ADGRA1: variants seen among roughly 807,000 people sequenced by gnomAD.
The protein encoded by ADGRA1 is adhesion G protein-coupled receptor A1.
A neutral mutation model predicts 21.3 loss-of-function variants in ADGRA1; 12 were observed. The observed-to-expected ratio is 0.56, with a 90% CI of 0.36 to 0.91. ADGRA1 has a LOEUF of 0.91. ADGRA1 is among the 40% of genes least tolerant of loss of function. ADGRA1 has a pLI of 0.01. For synonymous variants in ADGRA1, 385 were observed against 368.8 expected (o/e 1.04, Z -0.50); for missense variants, 790 against 805.6 (o/e 0.98, Z 0.23).
rs34834085 is a variant in ADGRA1 at position 133,096,781 on chromosome 10, C to A, written c.4-193C>A. Among the ~76,000 whole-genome samples the A allele has an allele frequency of 9.2e-5, 14 of 152,060 alleles. 1 individual carries two copies. The highest frequency in any genetic ancestry group is 1.3e-4 in the Non-Finnish European group (9 of 67,998). On this transcript the variant is annotated intron_variant, in intron 2 of 6. Coordinates refer to ENST00000392607, the MANE Select transcript of ADGRA1 (RefSeq NM_001083909.3). ...CTCCGTGGCCACGTGGGGCCCCTCC[C>A]GTGCACTCCCTGAGCATCCACAGAC...
intron 5 of ADGRA1, among the ~76,000 whole-genome samples, chr10:133,115,515 G>A (rs1852140717): frequency 6.6e-6 from 1 of 152,182 alleles, no homozygotes; most frequent in African/African-American, 2.4e-5. Flanking sequence ...GGTACCCCGA[G>A]AAGGGCAGCC....
intron 5 of ADGRA1, among the ~76,000 whole-genome samples, chr10:133,112,751 C>CGTCGGTTATGTGGGGTCTGTAAGCTAT (rs1852076564): frequency 1.6e-5 from 1 of 61,422 alleles, no homozygotes; most frequent in Non-Finnish European, 3.0e-5. Context: ...CTGCGGGCCG[C>CGTCGGTTATGTGGGGTCTGTAAGCTAT]GTCGGTTATT....
intron 5 of ADGRA1, among the ~76,000 whole-genome samples, chr10:133,114,189 G>A (rs1852113638): frequency 6.6e-6 from 1 of 152,234 alleles, no homozygotes; most frequent in South Asian, 2.1e-4. Flanking sequence ...AGCAGGAGCA[G>A]AGGGCACTGG....
intron 4 of ADGRA1, among the ~76,000 whole-genome samples, chr10:133,101,775 G>A (rs957867648): frequency 3.3e-5 from 5 of 152,306 alleles, no homozygotes; most frequent in Middle Eastern, 3.4e-3. Context: ...GGCCAGGCCG[G>A]GGGAAAGGGT....
intron 4 of ADGRA1, among the ~76,000 whole-genome samples, chr10:133,099,637 T>C (rs930599151): frequency 6.6e-5 from 10 of 152,136 alleles, no homozygotes; most frequent in African/African-American, 2.4e-4. Context: ...AGCCCTGTCC[T>C]CCTCCACTTT....
chr10:133,094,685 C>T (rs1851658514), intron 2 of ADGRA1, among the ~76,000 whole-genome samples: 1 of 152,176 alleles, frequency 6.6e-6, no homozygotes, highest in South Asian at 2.1e-4. Flanking sequence ...GCTTCTCTCG[C>T]GGATCTGGGT....
chr10:133,100,200 C>A (rs1851765977), intron 4 of ADGRA1, among the ~76,000 whole-genome samples: 1 of 152,222 alleles, frequency 6.6e-6, no homozygotes, highest in South Asian at 2.1e-4. Flanking sequence ...CCAGCATGGC[C>A]CCGGCGGAGG....
rs1852514345 is a variant in ADGRA1 at position 133,130,976 on chromosome 10, G to T, written c.*1465G>T. ...GTGTTTTCCAGCCACCCACACACTG[G>T]GTTTGCATTGGAGATTGTTTCACCC... On this transcript the variant is annotated 3_prime_UTR_variant, in exon 7 of 7. Transcript: ENST00000392607. 6.6e-6 allele frequency: 1 copy of T among 152,230 alleles called. No individual in the cohort carries two copies. The highest frequency in any genetic ancestry group is 2.1e-4 in the South Asian group (1 of 4,830). The allele number at this position is 152,230 out of a possible 1,614,324, so 9.4% of individuals were successfully genotyped here.
At position 133,092,747 on chromosome 10, in the gene ADGRA1, GAGGGAGGAAGGAAGGAAGGA is replaced by G. The variant is rs1488786168; in HGVS notation, c.3+3839_3+3858del. Among the ~76,000 whole-genome samples the G allele has an allele frequency of 6.7e-4, 55 of 81,564 alleles. 1 individual carries two copies. The highest frequency in any genetic ancestry group is 2.2e-3 in the African/African-American group (44 of 20,322). The allele number at this position is 81,564 out of a possible 152,430, so 53.5% of individuals were successfully genotyped here. On this transcript the variant is annotated intron_variant, in intron 2 of 6. Coordinates refer to ENST00000392607, the MANE Select transcript of ADGRA1 (RefSeq NM_001083909.3). ...ACCTGAATGAAGAAGGAGAAATAGG[GAGGGAGGAAGGAAGGAAGGA>G]AGGAAGGAAGGAAGGAAGGAAGGAA...
intron 5 of ADGRA1, among the ~76,000 whole-genome samples, chr10:133,112,019 A>ACCACCTGCCCGCCGTGAG (rs1564849822): frequency 1.1e-4 from 3 of 27,968 alleles, no homozygotes; most frequent in African/African-American, 5.5e-4. Flanking sequence ...CCCACCACAG[A>ACCACCTGCCCGCCGTGAG]CACCTCCCTC....
chr10:133,127,167 G>A, intron 5 of ADGRA1, 66 bp from the exon 6 acceptor site: 1 of 1,048,330 alleles, frequency 9.5e-7, no homozygotes. Flanking sequence ...GTGGGGGAGG[G>A]ACAGCGCTGA....
chr10:133,112,566 G>A (rs1214644539), intron 5 of ADGRA1, among the ~76,000 whole-genome samples: 20 of 129,478 alleles, frequency 1.5e-4, no homozygotes, highest in Admixed American at 3.2e-4. Context: ...GGGCCGCATC[G>A]GTTATTTGAG....
intron 2 of ADGRA1, chr10:133,095,831 A>C: frequency 6.4e-7 from 1 of 1,567,882 alleles, no homozygotes; most frequent in Non-Finnish European, 8.6e-7. Context: ...GTCCCTCTCC[A>C]CTTCCCGCCT....
In ADGRA1 at chr10:133,088,880, C is replaced by T. The variant is rs767712713; in HGVS notation, c.-30C>T. On this transcript the variant is annotated 5_prime_UTR_variant, in exon 2 of 7. Transcript: ENST00000392607. ...TCCCCCTGGACGCCTCCTCCAGCGGCGCTCACGCTTCCGCAACTTTGCAGC... is the reference window on the plus strand; with the variant it reads ...TCCCCCTGGACGCCTCCTCCAGCGGTGCTCACGCTTCCGCAACTTTGCAGC... 4.8e-6 allele frequency: 6 copies of T among 1,238,796 alleles called. No individual in the cohort carries two copies. The African/African-American group carries it at 7.7e-5, about 16-fold the overall frequency. The allele number at this position is 1,238,796 out of a possible 1,614,324, so 76.7% of individuals were successfully genotyped here.
In ADGRA1 at chr10:133,127,432, G is replaced by T. The variant is rs1438402922; in HGVS notation, c.500+101G>T. The T allele has an allele frequency of 6.6e-6, 6 of 903,632 alleles. No individual in the cohort carries two copies. In the East Asian group the frequency reaches 8.8e-5, roughly 13 times the overall value. The allele number at this position is 903,632 out of a possible 1,614,324, so 56.0% of individuals were successfully genotyped here. A position where few individuals can be genotyped will look rare whatever the true frequency, so the allele number is the denominator to read the frequency against. ...TGGTGGGGAAGCCCAGGACGAAGCA[G>T]CAAGGCCTGGGCCTGGACCTGGGGC... On this transcript the variant is annotated intron_variant, in intron 6 of 6. Coordinates refer to ENST00000392607, the MANE Select transcript of ADGRA1 (RefSeq NM_001083909.3).
At position 133,102,751 on chromosome 10, in the gene ADGRA1, A is replaced by G; in HGVS notation, c.310A>G (p.Thr104Ala). 6.2e-7 allele frequency: 1 copy of G among 1,612,716 alleles called. No individual in the cohort carries two copies. The highest frequency in any genetic ancestry group is 1.1e-5 in the South Asian group (1 of 91,066). The change falls in exon 5 of 7, where the codon ACC (threonine) becomes GCC (alanine). Residue 104 changes from threonine to alanine, a missense_variant. Around this residue, in one of 3 missense-constraint regions of ADGRA1, gnomAD observed 382 missense variants for 415.6 expected, o/e 0.92. Transcript: ENST00000392607. ...GTCCACCATGCTGTGGATAGGAGTG[A>G]CCGCCAGGAACATCTACAAGCAGGT... ...TLSTMLWIGV[T>A]ARNIYKQVTK...
intron 2 of ADGRA1, among the ~76,000 whole-genome samples, chr10:133,091,268 C>T (rs533440033): frequency 6.6e-6 from 1 of 151,988 alleles, no homozygotes; most frequent in African/African-American, 2.4e-5. Flanking sequence ...TGGGGAAACA[C>T]CTGCAGGGTT....
Position 133,112,434 on chromosome 10 carries a change from T to A in ADGRA1, c.401+9592T>A, listed in dbSNP as rs1412790342. Among the ~76,000 whole-genome samples the A allele has an allele frequency of 1.3e-4, 19 of 142,106 alleles. No homozygotes were observed. The East Asian group carries it at 4.1e-3, about 30-fold the overall frequency. 93.2% of individuals were successfully genotyped at this position (142,106 alleles called of 152,430 possible). A position where few individuals can be genotyped will look rare whatever the true frequency, so the allele number is the denominator to read the frequency against. The stretch of plus-strand genomic sequence containing the variant: ...TTTGGGGTCTGCGGGCCATGTCGGT[T>A]ATTTGGGGTCTACGGGCCACGTCAG... On this transcript the variant is annotated intron_variant, in intron 5 of 6. Coordinates refer to ENST00000392607, the MANE Select transcript of ADGRA1 (RefSeq NM_001083909.3).
At chr10:133,125,033 G>A (rs1295098181) in intron 5 of ADGRA1, among the ~76,000 whole-genome samples, 1 of 152,214 alleles carries the variant, frequency 6.6e-6, no homozygotes, top group Non-Finnish European at 1.5e-5. Context: ...GCGTCCCCTG[G>A]GCCCCTCTAT....
Sources: allele counts gnomAD v4.1 joint callset (sites outside exome capture counted in the v4.1 genomes callset), GRCh38; gene constraint gnomAD v4.1.1; regional missense constraint gnomAD v4.1.1; transcripts MANE v1.5; gene names NCBI Gene and HGNC (gene_info 2026-07-23, HGNC 2026-07-21).